The following EZH2 variants were observed in gnomAD, a reference collection of about 807,000 sequenced individuals.
EZH2 encodes enhancer of zeste 2 polycomb repressive complex 2 subunit, also known as histone-lysine N-methyltransferase EZH2.
EZH2 carries 18 observed loss-of-function variants against 98.4 expected under a neutral mutation model. The ratio of observed to expected loss-of-function variants is 0.18; its 90% CI spans 0.13 to 0.27. EZH2 has a LOEUF of 0.27. Among genes scored for constraint, EZH2 ranks in the 10% least tolerant of loss-of-function variants. The pLI, the probability that EZH2 is intolerant of heterozygous loss-of-function variation, is 1.00. For missense variants in EZH2, 470 were observed against 935.1 expected (o/e 0.50, Z 6.49); for synonymous variants, 338 against 312.3 (o/e 1.08, Z -0.87).
chr7:148,856,008 G>A (rs1337892686), intron 1 of EZH2, among the ~76,000 whole-genome samples: 3 of 146,890 alleles, frequency 2.0e-5, no homozygotes, highest in African/African-American at 7.6e-5. Flanking sequence ...TCAATATAAA[G>A]ACTTTTTTTA....
At chr7:148,881,829 G>C (rs1821000736) in intron 1 of EZH2, among the ~76,000 whole-genome samples, 1 of 151,658 alleles carries the variant, frequency 6.6e-6, no homozygotes, top group South Asian at 2.1e-4. Flanking sequence ...AGCTACTCGG[G>C]AGGCTGAGGC....
At position 148,814,045 on chromosome 7, in the gene EZH2, G is replaced by A. The variant is rs767528515; in HGVS notation, c.1765C>T (p.Leu589Phe). Residue 589 changes from leucine to phenylalanine, a missense_variant, in exon 15 of 20, where the codon CTC (leucine) becomes TTC (phenylalanine). Coordinates refer to ENST00000320356, the MANE Select transcript of EZH2 (RefSeq NM_004456.5). ...TCAGCGGCTCCACAAGTAAGACAGA[G>A]GTCAGGGTCACACTCTCGGACAGCC... ...YLAVRECDPD[L>F]CLTCGAADHW... 6.2e-7 allele frequency: 1 copy of A among 1,614,170 alleles called. No homozygotes were observed. The highest frequency in any genetic ancestry group is 8.5e-7 in the Non-Finnish European group (1 of 1,180,038).
chr7:148,851,400 A>T (rs934764070), intron 1 of EZH2, among the ~76,000 whole-genome samples: 1 of 152,076 alleles, frequency 6.6e-6, no homozygotes, highest in African/African-American at 2.4e-5. Context: ...TGGCAACAAA[A>T]ACGAAATATA....
intron 1 of EZH2, among the ~76,000 whole-genome samples, chr7:148,881,311 G>A (rs1410670697): frequency 1.3e-5 from 2 of 152,164 alleles, no homozygotes; most frequent in African/African-American, 4.8e-5. Flanking sequence ...CTCAAAAGAA[G>A]GAAGGTATCC....
At chr7:148,848,730 C>G (rs995641041) in intron 1 of EZH2, among the ~76,000 whole-genome samples, 7 of 152,108 alleles carry the variant, frequency 4.6e-5, no homozygotes, top group African/African-American at 1.7e-4. Context: ...ATTATTAAAT[C>G]CTTGCCCCTA....
intron 1 of EZH2, among the ~76,000 whole-genome samples, chr7:148,879,200 G>A (rs558605869): frequency 4.0e-4 from 60 of 151,428 alleles, no homozygotes; most frequent in African/African-American, 1.4e-3. Flanking sequence ...ACTCCAGCCT[G>A]GGCAACAAGT....
intron 3 of EZH2, among the ~76,000 whole-genome samples, chr7:148,842,739 C>T (rs1015635245): frequency 6.8e-6 from 1 of 146,050 alleles, no homozygotes; most frequent in Non-Finnish European, 1.5e-5. Context: ...ATCTCAAAAA[C>T]AAAAAAAAAA....
chr7:148,874,167 C>T (rs1011219541), intron 1 of EZH2, among the ~76,000 whole-genome samples: 33 of 152,182 alleles, frequency 2.2e-4, no homozygotes. Flanking sequence ...GGGAACATCG[C>T]TTGAGCTCAG....
chr7:148,883,859 C>A (rs1821400626), intron 1 of EZH2, among the ~76,000 whole-genome samples: 1 of 151,948 alleles, frequency 6.6e-6, no homozygotes, highest in Admixed American at 6.5e-5. Context: ...CCCGGCGCCC[C>A]GGCCAGGACA....
intron 1 of EZH2, among the ~76,000 whole-genome samples, chr7:148,857,627 T>G (rs1817022579): frequency 6.6e-6 from 1 of 152,108 alleles, no homozygotes; most frequent in African/African-American, 2.4e-5. Context: ...GGCGAGCACC[T>G]GTAATCCCAG....
At chr7:148,824,101 G>A (rs1806969549) in intron 8 of EZH2, among the ~76,000 whole-genome samples, 1 of 152,030 alleles carries the variant, frequency 6.6e-6, no homozygotes, top group Admixed American at 6.6e-5. Flanking sequence ...GATCACTTGA[G>A]GTCAGGAGTT....
At chr7:148,809,822 T>G (rs1416965500) in intron 17 of EZH2, among the ~76,000 whole-genome samples, 1 of 152,214 alleles carries the variant, frequency 6.6e-6, no homozygotes, top group Non-Finnish European at 1.5e-5. Context: ...TCTTACATGT[T>G]AAGCCTACCT....
chr7:148,876,840 A>T (rs528719881), intron 1 of EZH2, among the ~76,000 whole-genome samples: 1 of 152,134 alleles, frequency 6.6e-6, no homozygotes, highest in Non-Finnish European at 1.5e-5. Flanking sequence ...TTGTTTTACA[A>T]CTCTTTTAAA....
intron 8 of EZH2, among the ~76,000 whole-genome samples, chr7:148,823,431 T>C (rs1327595393): frequency 6.6e-6 from 1 of 152,122 alleles, no homozygotes; most frequent in African/African-American, 2.4e-5. Context: ...TATTAAATCC[T>C]ATCCTTATTC....
chr7:148,826,754 G>C, intron 7 of EZH2, 122 bp from the exon 8 acceptor site: 1 of 708,886 alleles, frequency 1.4e-6, no homozygotes, highest in South Asian at 5.0e-5. Flanking sequence ...ATAAAGGAAT[G>C]GCTCTATTTA....
intron 1 of EZH2, among the ~76,000 whole-genome samples, chr7:148,862,274 T>A (rs916087352): frequency 1.3e-5 from 2 of 152,198 alleles, no homozygotes; most frequent in South Asian, 4.1e-4. Context: ...ATGTTATAAA[T>A]CATCATTCCT....
intron 1 of EZH2, among the ~76,000 whole-genome samples, chr7:148,851,297 T>C (rs1268848369): frequency 6.6e-6 from 1 of 152,108 alleles, no homozygotes; most frequent in African/African-American, 2.4e-5. Flanking sequence ...CAGTTAGAGA[T>C]CTTCAGCCTA....
At chr7:148,824,146 C>T (rs1365828883) in intron 8 of EZH2, among the ~76,000 whole-genome samples, 2 of 152,136 alleles carry the variant, frequency 1.3e-5, no homozygotes, top group African/African-American at 4.8e-5. Context: ...GAAACCCCAT[C>T]TCTACTAAAA....
chr7:148,860,032 G>T (rs1289487814), intron 1 of EZH2, among the ~76,000 whole-genome samples: 1 of 152,154 alleles, frequency 6.6e-6, no homozygotes, highest in Non-Finnish European at 1.5e-5. Flanking sequence ...TTATAAAGCT[G>T]ATCCTGAGGC....
Sources: gnomAD v4.1 joint callset for allele counts (sites outside exome capture counted in the v4.1 genomes callset) on GRCh38, gnomAD v4.1.1 for gene constraint, MANE v1.5 for transcripts, NCBI Gene and HGNC (gene_info 2026-07-23, HGNC 2026-07-21) for gene names.